Variants in EHHADH observed in about 807,000 individuals in gnomAD.
The protein encoded by EHHADH is enoyl-CoA hydratase and 3-hydroxyacyl CoA dehydrogenase, also known as peroxisomal bifunctional enzyme.
Under a neutral mutation model 64.4 loss-of-function variants are expected in EHHADH, and 48 were observed. The ratio of observed to expected loss-of-function variants is 0.75; its 90% CI spans 0.59 to 0.95. The LOEUF is 0.95. Ranked by LOEUF, EHHADH falls within the 40% of genes least tolerant of loss-of-function variation. The pLI is 0.00. For synonymous variants in EHHADH, 308 were observed against 326.7 expected (o/e 0.94, Z 0.62); for missense variants, 854 against 876.6 (o/e 0.97, Z 0.33).
intron 6 of EHHADH, among the ~76,000 whole-genome samples, chr3:185,200,390 G>A (rs976429825): frequency 4.6e-5 from 7 of 152,116 alleles, no homozygotes; most frequent in Non-Finnish European, 1.0e-4. Context: ...TAAGAACACA[G>A]TTTTCCAAAT....
intron 5 of EHHADH, among the ~76,000 whole-genome samples, chr3:185,206,516 C>CA (rs1577358181): frequency 6.6e-6 from 1 of 152,060 alleles, no homozygotes; most frequent in Admixed American, 6.6e-5. Context: ...TTTTGTTCTT[C>CA]AAAGGATATC....
Position 185,253,993 on chromosome 3 carries a change from G to A in EHHADH, c.30C>T (p.Ala10=), listed in dbSNP as rs764087181. The stretch of plus-strand genomic sequence containing the variant: ...GGTTTCGGAGGCGGATTAGCGCCAA[G>A]GCGTTGTGCAGCCGCGTATACTCGG... MAEYTRLHN[A]LALIRLRNPP... Residue 10 remains alanine, a synonymous_variant, in exon 1 of 7, where the codon GCC becomes GCT. Coordinates refer to ENST00000231887, the MANE Select transcript of EHHADH (RefSeq NM_001966.4). 5 of 1,613,868 alleles carry A rather than the reference G, an allele frequency of 3.1e-6. No individual in the cohort carries two copies. The highest frequency in any genetic ancestry group is 1.3e-5 in the African/African-American group (1 of 74,924).
At chr3:185,221,284 T>C (rs767593909) in intron 4 of EHHADH, among the ~76,000 whole-genome samples, 1 of 152,234 alleles carries the variant, frequency 6.6e-6, no homozygotes, top group Admixed American at 6.5e-5. Context: ...CTTTGCTTCC[T>C]ATTTTGTCTT....
intron 4 of EHHADH, among the ~76,000 whole-genome samples, chr3:185,225,152 C>T (rs1481518401): frequency 6.6e-6 from 1 of 152,156 alleles, no homozygotes; most frequent in Non-Finnish European, 1.5e-5. Flanking sequence ...ACCTCTCTCT[C>T]CTAAACCCCA....
intron 5 of EHHADH, among the ~76,000 whole-genome samples, chr3:185,212,437 A>C (rs775527638): frequency 6.6e-6 from 1 of 152,028 alleles, no homozygotes; most frequent in Non-Finnish European, 1.5e-5. Context: ...AACCTTCTAC[A>C]CTCCCTTCCC....
chr3:185,197,451 C>T (rs932508074), intron 6 of EHHADH, among the ~76,000 whole-genome samples: 1 of 152,168 alleles, frequency 6.6e-6, no homozygotes, highest in Non-Finnish European at 1.5e-5. Context: ...GATAACTCCC[C>T]ATTTTCCCTC....
chr3:185,213,358 T>C (rs1425948714), intron 5 of EHHADH, among the ~76,000 whole-genome samples: 1 of 152,094 alleles, frequency 6.6e-6, no homozygotes, highest in East Asian at 1.9e-4. Context: ...AGTGGGGCCC[T>C]GCTAACCGTG....
chr3:185,206,233 C>T (rs919514489), intron 5 of EHHADH, among the ~76,000 whole-genome samples: 10 of 151,506 alleles, frequency 6.6e-5, no homozygotes, highest in African/African-American at 1.9e-4. Flanking sequence ...AAAGGAGAAT[C>T]TTTCAACAAA....
At chr3:185,253,681 TCTCAGC>T (rs1389146437) in intron 1 of EHHADH, 14 of 674,174 alleles carry the variant, frequency 2.1e-5, no homozygotes, top group South Asian at 3.8e-5. Flanking sequence ...TGTTGATCTG[TCTCAGC>T]CTCAGCCTCA....
At chr3:185,233,394 G>T (rs566488238) in intron 3 of EHHADH, among the ~76,000 whole-genome samples, 2 of 152,000 alleles carry the variant, frequency 1.3e-5, no homozygotes, top group South Asian at 4.2e-4. Context: ...AGTTACAAGG[G>T]TATACTTTTA....
At position 185,193,261 on chromosome 3, in the gene EHHADH, A is replaced by G. The variant is rs113141052; in HGVS notation, c.1137T>C (p.Ile379=). ...VKELGGVDLV[I]EAVFEEMSLK... Reference sequence around the variant, plus strand: ...GGCTCATTTCCTCAAATACTGCTTCAATGACTAAATCTACACCACCAAGCT... The same window carrying G: ...GGCTCATTTCCTCAAATACTGCTTCGATGACTAAATCTACACCACCAAGCT... The change falls in exon 7 of 7, where the codon ATT becomes ATC. Residue 379 remains isoleucine (I), a synonymous_variant. Transcript: ENST00000231887. The G allele has an allele frequency of 6.2e-7, 1 of 1,602,154 alleles. No individual in the cohort carries two copies. Among genetic ancestry groups the G allele is most frequent in the African/African-American group, 1.3e-5 (1 of 74,364 alleles).
chr3:185,227,933 T>C (rs1719032146), intron 4 of EHHADH, among the ~76,000 whole-genome samples: 1 of 151,922 alleles, frequency 6.6e-6, no homozygotes, highest in Admixed American at 6.6e-5. Flanking sequence ...ACTTATCCGA[T>C]TTTCGCCACA....
At position 185,192,870 on chromosome 3, in the gene EHHADH, C is replaced by T; in HGVS notation, c.1528G>A (p.Glu510Lys). The T allele has an allele frequency of 6.2e-7, 1 of 1,614,134 alleles. No homozygotes were observed. Among genetic ancestry groups the T allele is most frequent in the Non-Finnish European group, 8.5e-7 (1 of 1,180,028 alleles). ...SKPEEVDQVL[E>K]EFGFKMGPFR... ...GGTCCCATTTTAAAACCAAACTCTTCCAGCACCTGATCTACCTCCTCTGGT... is the reference window on the plus strand; with the variant it reads ...GGTCCCATTTTAAAACCAAACTCTTTCAGCACCTGATCTACCTCCTCTGGT... The change falls in exon 7 of 7, where the codon GAA becomes AAA. Residue 510 changes from glutamate to lysine, a missense_variant. By Grantham distance (56) the Glu-to-Lys change is moderately conservative. Coordinates refer to ENST00000231887, the MANE Select transcript of EHHADH (RefSeq NM_001966.4).
In EHHADH at chr3:185,193,127, C is replaced by G. The variant is rs202021589; in HGVS notation, c.1271G>C (p.Arg424Pro). ...GTGGGTGCCAATGACCAAGTGAGGA[C>G]GATCAGTGGAAGAAGCAATCTCATC... ...DVDEIASSTD[R>P]PHLVIGTHFF... is the part of the protein sequence containing the mutation. Residue 424 changes from arginine (R) to proline (P), a missense_variant, in exon 7 of 7, where the codon CGT becomes CCT. Coordinates refer to ENST00000231887, the MANE Select transcript of EHHADH (RefSeq NM_001966.4). 2 of 1,613,090 alleles carry G rather than the reference C, an allele frequency of 1.2e-6. No individual in the cohort carries two copies. Among genetic ancestry groups the G allele is most frequent in the Non-Finnish European group, 1.7e-6 (2 of 1,179,562 alleles).
At chr3:185,244,853 T>C (rs992255107) in intron 2 of EHHADH, among the ~76,000 whole-genome samples, 2 of 152,222 alleles carry the variant, frequency 1.3e-5, no homozygotes, top group African/African-American at 2.4e-5. Context: ...AATGAGAGAA[T>C]AGATTTCTGT....
chr3:185,192,105 T>C lies in EHHADH; in HGVS notation c.*121A>G. ...AGAGTCGTTACACAGAAGATTCTAA[T>C]GATTATTTATTTTGCTTTGTATTTC... is the stretch of plus-strand genomic sequence containing the variant. On this transcript the variant is annotated 3_prime_UTR_variant, in exon 7 of 7. Transcript: ENST00000231887. 3 of 1,178,320 alleles carry C rather than the reference T, an allele frequency of 2.5e-6. No homozygotes were observed. The highest frequency in any genetic ancestry group is 3.6e-6 in the Non-Finnish European group (3 of 835,456). 73.0% of individuals were successfully genotyped at this position (1,178,320 alleles called of 1,614,324 possible). A position where few individuals can be genotyped will look rare whatever the true frequency, so the allele number is the denominator to read the frequency against.
intron 5 of EHHADH, among the ~76,000 whole-genome samples, chr3:185,211,455 T>C (rs1718537049): frequency 1.3e-5 from 2 of 152,206 alleles, no homozygotes; most frequent in South Asian, 4.1e-4. Context: ...TTATTTTCCC[T>C]TCTTCTTCTG....
Position 185,192,843 on chromosome 3 carries a change from A to G in EHHADH, c.1555T>C (p.Phe519Leu), listed in dbSNP as rs764885714. 5.6e-6 allele frequency: 9 copies of G among 1,613,970 alleles called. No individual in the cohort carries two copies. The South Asian group carries it at 9.9e-5, about 18-fold the overall frequency. Residue 519 changes from phenylalanine to leucine, a missense_variant, in exon 7 of 7, where the codon TTT becomes CTT. Transcript: ENST00000231887. ...LEEFGFKMGP[F>L]RVSDLAGLDV... The stretch of plus-strand genomic sequence containing the variant: ...AACCCAGCAAGATCAGACACTCTAA[A>G]AGGTCCCATTTTAAAACCAAACTCT...
chr3:185,198,384 A>G (rs1020159629), intron 6 of EHHADH, among the ~76,000 whole-genome samples: 1 of 150,030 alleles, frequency 6.7e-6, no homozygotes, highest in African/African-American at 2.4e-5. Context: ...ATGCCTGGCT[A>G]ATTTTTTTGT....
Sources: gnomAD v4.1 joint callset for allele counts (sites outside exome capture counted in the v4.1 genomes callset) on GRCh38, gnomAD v4.1.1 for gene constraint, MANE v1.5 for transcripts, NCBI Gene and HGNC (gene_info 2026-07-23, HGNC 2026-07-21) for gene names.